Variants in AKAP6 observed in about 807,000 individuals in gnomAD.
AKAP6 encodes A-kinase anchoring protein 6.
In AKAP6, 58 loss-of-function variants were observed where a neutral mutation model predicts 188.5. The observed-to-expected ratio is 0.31, with a 90% CI of 0.25 to 0.38. The LOEUF is 0.38. Ranked by LOEUF, AKAP6 falls within the 10% of genes least tolerant of loss-of-function variation. The probability of loss-of-function intolerance (pLI) is 1.00; values close to 1 mark genes in which losing one functional copy is unlikely to be tolerated. For synonymous variants in AKAP6, 989 were observed against 998.6 expected (o/e 0.99, Z 0.18); for missense variants, 2,710 against 2,740.0 (o/e 0.99, Z 0.24).
chr14:32,404,973 A>T (rs904113348), intron 1 of AKAP6, among the ~76,000 whole-genome samples: 2 of 151,238 alleles, frequency 1.3e-5, no homozygotes, highest in African/African-American at 4.9e-5. Context: ...AATGTTGAGA[A>T]CTAGCTGTGT....
intron 7 of AKAP6, among the ~76,000 whole-genome samples, chr14:32,665,989 CTTATCTAACAT>C (rs1472129894): frequency 1.3e-5 from 2 of 152,110 alleles, no homozygotes; most frequent in Non-Finnish European, 1.5e-5. Flanking sequence ...CTAGAATATT[CTTATCTAACAT>C]TTAAGGCCCT....
At chr14:32,613,300 T>G (rs1290174560) in intron 7 of AKAP6, among the ~76,000 whole-genome samples, 1 of 152,228 alleles carries the variant, frequency 6.6e-6, no homozygotes, top group African/African-American at 2.4e-5. Flanking sequence ...CACTGGATGC[T>G]TTCATGTGGC....
chr14:32,688,173 G>A (rs34709971), intron 8 of AKAP6, among the ~76,000 whole-genome samples: 17,373 of 151,128 alleles, frequency 0.11, 1,076 homozygotes, highest in Admixed American at 0.15. Flanking sequence ...ACACACACAC[G>A]TCTTTCATGA....
At chr14:32,436,819 C>T (rs1344112856) in intron 2 of AKAP6, among the ~76,000 whole-genome samples, 1 of 152,006 alleles carries the variant, frequency 6.6e-6, no homozygotes, top group Non-Finnish European at 1.5e-5. Flanking sequence ...ACCTGTAATC[C>T]CAGCTTCTCT....
intron 2 of AKAP6, among the ~76,000 whole-genome samples, chr14:32,440,793 G>A (rs1171208302): frequency 6.6e-6 from 1 of 152,164 alleles, no homozygotes; most frequent in Non-Finnish European, 1.5e-5. Flanking sequence ...ATTTGTTGAT[G>A]GGTATGAGGA....
rs142218168 is a variant in AKAP6, at chr14:32,780,157, C to CCATATATATATATATATATATATATAT, written c.3588+6264_3588+6265insCATATATATATATATATATATATATAT. ...TGGAAAAAGAAATTGAAAAAAAAAA[C>CCATATATATATATATATATATATATAT]ATATATATATATATGCATGCTTATA... On this transcript the variant is annotated intron_variant, in intron 12 of 13. Transcript: ENST00000280979. Among the ~76,000 whole-genome samples the CCATATATATATATATATATATATATAT allele has an allele frequency of 4.4e-4, 52 of 119,374 alleles. 1 individual carries two copies. Among genetic ancestry groups the CCATATATATATATATATATATATATAT allele is most frequent in the African/African-American group, 7.3e-4 (23 of 31,302 alleles). The allele number at this position is 119,374 out of a possible 152,430, so 78.3% of individuals were successfully genotyped here. A position where few individuals can be genotyped will look rare whatever the true frequency, so the allele number is the denominator to read the frequency against.
intron 2 of AKAP6, among the ~76,000 whole-genome samples, chr14:32,457,475 T>C (rs1891183895): frequency 1.3e-5 from 2 of 152,164 alleles, no homozygotes; most frequent in African/African-American, 4.8e-5. Context: ...GGTGAGAGTA[T>C]TCCCTCTCCC....
At chr14:32,820,155 C>T (rs1174167610) in intron 12 of AKAP6, among the ~76,000 whole-genome samples, 2 of 151,930 alleles carry the variant, frequency 1.3e-5, no homozygotes, top group Admixed American at 1.3e-4. Flanking sequence ...GCAAAGTCAG[C>T]CCTTCAACCA....
At chr14:32,770,293 C>A (rs183899901) in intron 11 of AKAP6, among the ~76,000 whole-genome samples, 11 of 152,266 alleles carry the variant, frequency 7.2e-5, no homozygotes, top group Admixed American at 7.2e-4. Flanking sequence ...TTTAACCTTG[C>A]AAGACGAAAT....
chr14:32,511,026 G>T (rs1812203128), intron 2 of AKAP6, among the ~76,000 whole-genome samples: 1 of 152,190 alleles, frequency 6.6e-6, no homozygotes, highest in Non-Finnish European at 1.5e-5. Context: ...TTAGAACATT[G>T]TTGACATTTG....
intron 9 of AKAP6, chr14:32,726,067 G>A (rs1279562795): frequency 2.5e-6 from 1 of 392,556 alleles, no homozygotes; most frequent in Non-Finnish European, 3.5e-6. Flanking sequence ...TTATTTCTGT[G>A]CAGTCATTTT....
intron 5 of AKAP6, among the ~76,000 whole-genome samples, chr14:32,586,377 T>C (rs1885248578): frequency 6.6e-6 from 1 of 152,170 alleles, no homozygotes; most frequent in African/African-American, 2.4e-5. Flanking sequence ...CCTGTAATCC[T>C]AGCAGTTCGG....
chr14:32,742,766 A>G, intron 11 of AKAP6, among the ~76,000 whole-genome samples: 1 of 152,036 alleles, frequency 6.6e-6, no homozygotes, highest in Non-Finnish European at 1.5e-5. Context: ...GGAATGTTTT[A>G]AGACTCGTTT....
chr14:32,563,491 G>C (rs555726863), intron 4 of AKAP6, among the ~76,000 whole-genome samples: 3 of 151,598 alleles, frequency 2.0e-5, no homozygotes, highest in Admixed American at 6.6e-5. Context: ...TTAGTACTGT[G>C]GGGGGGGAAG....
At position 32,822,372 on chromosome 14, in the gene AKAP6, C is replaced by A. The variant is rs779556505; in HGVS notation, c.4559C>A (p.Pro1520Gln). 6.2e-7 allele frequency: 1 copy of A among 1,613,936 alleles called. No homozygotes were observed. Among genetic ancestry groups the A allele is most frequent in the South Asian group, 1.1e-5 (1 of 91,074 alleles). Residue 1520 changes from proline to glutamine, a missense_variant, in exon 13 of 14, where the codon CCA becomes CAA. This residue lies in a region of AKAP6 where 2,473 missense variants were observed against 2,426.1 expected (regional missense o/e 1.02). Transcript: ENST00000280979. ...KSKHQTTELQ[P>Q]DVPPHERILA... ...AAACATCAGACTACAGAGTTACAAC[C>A]AGATGTACCTCCCCATGAAAGGATT...
In AKAP6 at chr14:32,535,601, C is replaced by T; in HGVS notation, c.372C>T (p.Leu124=). The T allele has an allele frequency of 6.2e-7, 1 of 1,614,148 alleles. No homozygotes were observed. Among genetic ancestry groups the T allele is most frequent in the Non-Finnish European group, 8.5e-7 (1 of 1,179,984 alleles). Residue 124 remains leucine, a synonymous_variant, in exon 3 of 14, where the codon CTC becomes CTT. Coordinates refer to ENST00000280979, the MANE Select transcript of AKAP6 (RefSeq NM_004274.5). The part of the protein sequence containing the change: ...ISDHVEQIHA[L]LETEFSLKLL... ...ATCATGTTGAGCAAATCCATGCCCT[C>T]CTTGAAACAGAGTTCTCCCTAAAGC...
rs539028295 is a variant in AKAP6 at position 32,520,350 on chromosome 14, G to A, written c.325-15204G>A. ...AAGGCAAGAATTAACTAAGATCAGA[G>A]CAGAACTGAAGGAGATAGAGACACA... is the stretch of plus-strand genomic sequence containing the variant. On this transcript the variant is annotated intron_variant, in intron 2 of 13. Transcript: ENST00000280979. Among the ~76,000 whole-genome samples, 510 of 152,258 alleles carry A rather than the reference G, an allele frequency of 3.3e-3. 6 individuals are homozygous for A. Among genetic ancestry groups the A allele is most frequent in the African/African-American group, 0.012 (486 of 41,530 alleles).
rs148154496 is a variant in AKAP6, at chr14:32,492,337, A to AATATATATATATATATAT, written c.325-43215_325-43198dup. Among the ~76,000 whole-genome samples, 421 of 76,398 alleles carry AATATATATATATATATAT rather than the reference A, an allele frequency of 5.5e-3. 8 individuals are homozygous for AATATATATATATATATAT. Among genetic ancestry groups the AATATATATATATATATAT allele is most frequent in the Non-Finnish European group, 7.7e-3 (263 of 34,052 alleles). 50.1% of individuals were successfully genotyped at this position (76,398 alleles called of 152,430 possible). A position where few individuals can be genotyped will look rare whatever the true frequency, so the allele number is the denominator to read the frequency against. ...CACTGTGCTTCTCAAACTACATTGT[A>AATATATATATATATATAT]ATATATATATATATATATAGAGAGA... On this transcript the variant is annotated intron_variant, in intron 2 of 13. Transcript: ENST00000280979.
chr14:32,568,907 A>G lies in AKAP6; in HGVS notation c.2347-8213A>G, dbSNP rs1315403252. On this transcript the variant is annotated intron_variant, in intron 4 of 13. Coordinates refer to ENST00000280979, the MANE Select transcript of AKAP6 (RefSeq NM_004274.5). The surrounding 1 kb of genome is among the most constrained non-coding windows in gnomAD (Gnocchi z 6.2). ...CCTATTTTTATTAGACTTTGATGAT[A>G]TGCATTCCAATCTTGTTTTGCCCTT... Among the ~76,000 whole-genome samples, 4 of 152,162 alleles carry G rather than the reference A, an allele frequency of 2.6e-5. No homozygotes were observed. The highest frequency in any genetic ancestry group is 2.9e-5 in the Non-Finnish European group (2 of 68,026).
Sources: allele counts gnomAD v4.1 joint callset (sites outside exome capture counted in the v4.1 genomes callset), GRCh38; gene constraint gnomAD v4.1.1; regional missense constraint gnomAD v4.1.1; non-coding constraint Gnocchi (gnomAD v3.1); transcripts MANE v1.5; gene names NCBI Gene and HGNC (gene_info 2026-07-23, HGNC 2026-07-21).